GRM8: variants seen among roughly 807,000 people sequenced by gnomAD.
GRM8 encodes glutamate metabotropic receptor 8.
GRM8 carries 47 observed loss-of-function variants against 87.2 expected under a neutral mutation model. That is an observed-to-expected ratio of 0.54 (90% CI 0.43 to 0.69). The LOEUF is 0.69. Ranked by LOEUF, GRM8 falls within the 30% of genes least tolerant of loss-of-function variation. GRM8 has a pLI of 0.00. For missense variants in GRM8, 1,019 were observed against 1,139.2 expected, an observed-to-expected ratio of 0.89 and a Z score of 1.52; for synonymous variants, 396 against 404.5, an observed-to-expected ratio of 0.98 and a Z score of 0.25.
chr7:126,590,771 C>T (rs895785165), intron 8 of GRM8, among the ~76,000 whole-genome samples: 2 of 152,062 alleles, frequency 1.3e-5, no homozygotes, highest in African/African-American at 4.8e-5. Flanking sequence ...TCCAGTGAAA[C>T]TAAGCTTAAT....
intron 3 of GRM8, among the ~76,000 whole-genome samples, chr7:127,103,788 G>T (rs1360823153): frequency 6.6e-6 from 1 of 152,106 alleles, no homozygotes; most frequent in Admixed American, 6.5e-5. Context: ...CTATAGTCAA[G>T]AGATGCCTTG....
At chr7:126,866,193 T>C (rs1798574935) in intron 6 of GRM8, among the ~76,000 whole-genome samples, 1 of 152,228 alleles carries the variant, frequency 6.6e-6, no homozygotes, top group Admixed American at 6.5e-5. Context: ...TGAGCATCTT[T>C]TCAGGTCCTT....
intron 3 of GRM8, among the ~76,000 whole-genome samples, chr7:126,906,520 T>A (rs1563304320): frequency 6.6e-6 from 1 of 152,252 alleles, no homozygotes; most frequent in East Asian, 1.9e-4. Context: ...TCAAAGAGAC[T>A]AAGACATCAA....
At chr7:127,014,795 C>T (rs1382947970) in intron 3 of GRM8, among the ~76,000 whole-genome samples, 3 of 151,826 alleles carry the variant, frequency 2.0e-5, no homozygotes, top group Middle Eastern at 3.4e-3. Context: ...AGGATGCTTT[C>T]TTTCTGCCAC....
chr7:126,860,824 CT>C (rs1798079223), intron 6 of GRM8, among the ~76,000 whole-genome samples: 1 of 152,018 alleles, frequency 6.6e-6, no homozygotes, highest in African/African-American at 2.4e-5. Flanking sequence ...TGTCCTTTTG[CT>C]TTTTAAAATA....
intron 2 of GRM8, among the ~76,000 whole-genome samples, chr7:127,142,537 A>T (rs754184460): frequency 2.0e-5 from 3 of 152,204 alleles, no homozygotes; most frequent in Non-Finnish European, 4.4e-5. Flanking sequence ...AATGTACTCA[A>T]ATTAATTCAG....
chr7:126,859,091 C>G (rs1008251381), intron 6 of GRM8, among the ~76,000 whole-genome samples: 2 of 151,988 alleles, frequency 1.3e-5, no homozygotes, highest in African/African-American at 4.8e-5. Context: ...ACATATACCT[C>G]TCCCTACACA....
intron 2 of GRM8, among the ~76,000 whole-genome samples, chr7:127,162,822 T>G (rs116976888): frequency 6.3e-4 from 96 of 152,354 alleles, no homozygotes; most frequent in Non-Finnish European, 2.4e-4. Flanking sequence ...TATCAATGTC[T>G]GAGGCTAGCA....
intron 3 of GRM8, among the ~76,000 whole-genome samples, chr7:126,929,956 G>A (rs998038116): frequency 6.6e-6 from 1 of 150,468 alleles, no homozygotes; most frequent in African/African-American, 2.5e-5. Context: ...TATTTGTATT[G>A]GTCTTTGCAA....
chr7:126,971,089 C>T (rs1303462202), intron 3 of GRM8, among the ~76,000 whole-genome samples: 4 of 141,624 alleles, frequency 2.8e-5, no homozygotes, highest in African/African-American at 1.1e-4. Context: ...ACTAAGTGAA[C>T]ACACGCTGTT....
rs909244747 is a variant in GRM8 at position 126,942,278 on chromosome 7, T to C, written c.728-37595A>G. Among the ~76,000 whole-genome samples, 18 of 152,350 alleles carry C rather than the reference T, an allele frequency of 1.2e-4. No homozygotes were observed. In the Middle Eastern group the frequency reaches 0.01, roughly 86 times the overall value. ...GAAATACTTGCCGTGTGGTCCAAGA[T>C]AACCACCTGGCAGGCCTACATGCTA... On this transcript the variant is annotated intron_variant, in intron 3 of 10. Coordinates refer to ENST00000339582, the MANE Select transcript of GRM8 (RefSeq NM_000845.3).
At chr7:126,535,843 G>T (rs1815625950) in intron 8 of GRM8, among the ~76,000 whole-genome samples, 1 of 152,060 alleles carries the variant, frequency 6.6e-6, no homozygotes, top group African/African-American at 2.4e-5. Flanking sequence ...TCCACAACAA[G>T]CACCAACTTC....
chr7:127,137,946 C>T (rs985985161), intron 2 of GRM8, among the ~76,000 whole-genome samples: 4 of 152,136 alleles, frequency 2.6e-5, no homozygotes, highest in Admixed American at 2.0e-4. Flanking sequence ...GCTTAAGCTC[C>T]TTTCCTTTTA....
intron 2 of GRM8, among the ~76,000 whole-genome samples, chr7:127,197,581 A>G (rs1587252877): frequency 6.6e-6 from 1 of 151,300 alleles, no homozygotes; most frequent in Non-Finnish European, 1.5e-5. Flanking sequence ...CTTTCAATGA[A>G]AGGAAACATG....
At chr7:127,137,220 T>A (rs17863223) in intron 2 of GRM8, among the ~76,000 whole-genome samples, 2 of 149,808 alleles carry the variant, frequency 1.3e-5, no homozygotes, top group East Asian at 1.9e-4. Context: ...AACATACACA[T>A]ACACACACAC....
chr7:127,015,664 C>T (rs1026496974), intron 3 of GRM8, among the ~76,000 whole-genome samples: 3 of 152,098 alleles, frequency 2.0e-5, no homozygotes, highest in African/African-American at 7.2e-5. Context: ...GGATTTTCTA[C>T]CTCCATAAAA....
intron 2 of GRM8, chr7:127,229,664 A>G (rs1797559851): frequency 6.6e-6 from 1 of 152,224 alleles, no homozygotes; most frequent in Non-Finnish European, 1.5e-5. Context: ...CAGCATAAAG[A>G]AGAAAAATAA....
intron 2 of GRM8, among the ~76,000 whole-genome samples, chr7:127,221,333 C>T (rs557189719): frequency 6.6e-6 from 1 of 152,180 alleles, no homozygotes; most frequent in Non-Finnish European, 1.5e-5. Flanking sequence ...GGGCTGTAGA[C>T]CCCGTTGAGC....
intron 10 of GRM8, chr7:126,445,282 T>C (rs1310122067): frequency 3.9e-5 from 6 of 152,062 alleles, no homozygotes; most frequent in Admixed American, 3.9e-4. Flanking sequence ...CCTAGTAAGG[T>C]AAAGGTTGTA....
Sources: allele counts gnomAD v4.1 joint callset (sites outside exome capture counted in the v4.1 genomes callset), GRCh38; gene constraint gnomAD v4.1.1; transcripts MANE v1.5; gene names NCBI Gene and HGNC (gene_info 2026-07-23, HGNC 2026-07-21).